The following LRRC75A variants were observed in gnomAD, a reference collection of about 807,000 sequenced individuals.
LRRC75A encodes leucine-rich repeat-containing protein 75A.
LRRC75A carries 12 observed loss-of-function variants against 26.0 expected under a neutral mutation model. That is an observed-to-expected ratio of 0.46 (90% CI 0.30 to 0.75). The LOEUF (loss-of-function observed/expected upper bound fraction) is 0.75. LRRC75A is among the 30% of genes least tolerant of loss of function. The pLI, the probability that LRRC75A is intolerant of heterozygous loss-of-function variation, is 0.08. For missense variants in LRRC75A, 410 were observed against 486.6 expected (o/e 0.84, Z 1.48); for synonymous variants, 223 against 219.3 (o/e 1.02, Z -0.15).
chr17:16,470,415 T>G (rs1028934642), intron 1 of LRRC75A: 2 of 151,572 alleles, frequency 1.3e-5, no homozygotes, highest in African/African-American at 4.8e-5. Context: ...GGGACCCGCA[T>G]GTGCAAAGCT....
intron 1 of LRRC75A, among the ~76,000 whole-genome samples, chr17:16,476,461 T>G (rs1365882567): frequency 6.6e-6 from 1 of 152,060 alleles, no homozygotes; most frequent in African/African-American, 2.4e-5. Flanking sequence ...ATCCTCCCGC[T>G]GTGGCCTCCC....
rs564255601 is a variant in LRRC75A at position 16,448,346 on chromosome 17, C to T, written c.376-386G>A. 3.8e-4 allele frequency: 94 copies of T among 244,554 alleles called. No individual in the cohort carries two copies. The South Asian group carries it at 4.0e-3, about 10-fold the overall frequency. 15.1% of individuals were successfully genotyped at this position (244,554 alleles called of 1,614,324 possible). On this transcript the variant is annotated intron_variant, in intron 2 of 3. Coordinates refer to ENST00000470794, the MANE Select transcript of LRRC75A (RefSeq NM_001113567.3). ...TCAGCAGATTTATTGAGCACTTACT[C>T]GGAGCCAGGCACTTGTTCTAGGAAG... is the stretch of plus-strand genomic sequence containing the variant.
rs1438860537 is a variant in LRRC75A at position 16,462,348 on chromosome 17, C to T, written c.285G>A (p.Leu95=). The T allele has an allele frequency of 3.7e-6, 6 of 1,614,178 alleles. No homozygotes were observed. The highest frequency in any genetic ancestry group is 1.7e-5 in the Admixed American group (1 of 60,022). Residue 95 remains leucine (L), a synonymous_variant, in exon 2 of 4, where the codon CTG becomes CTA. Coordinates refer to ENST00000470794, the MANE Select transcript of LRRC75A (RefSeq NM_001113567.3). This position sits in a 1 kb window ranked among gnomAD's most constrained non-coding sequence, Gnocchi z 4.6. ...GMESTSLDDV[L]YRYASFRNLV... ...GGTTCCGGAAGCTGGCGTAGCGATA[C>T]AGAACGTCGTCTAGCGAGGTCGACT...
At chr17:16,459,361 C>T (rs2093709843) in intron 2 of LRRC75A, among the ~76,000 whole-genome samples, 1 of 152,180 alleles carries the variant, frequency 6.6e-6, no homozygotes, top group Non-Finnish European at 1.5e-5. Flanking sequence ...GAAGGCCTCT[C>T]AGAGGCCGTA....
chr17:16,487,402 AG>A (rs1409341675), intron 1 of LRRC75A, among the ~76,000 whole-genome samples: 1 of 152,182 alleles, frequency 6.6e-6, no homozygotes, highest in Admixed American at 6.5e-5. Flanking sequence ...CCACATCTCC[AG>A]GGAGTCTCCA....
chr17:16,476,912 G>A (rs1481021755), intron 1 of LRRC75A, among the ~76,000 whole-genome samples: 2 of 151,454 alleles, frequency 1.3e-5, no homozygotes, highest in Non-Finnish European at 2.9e-5. Context: ...CTAATTTTTT[G>A]TATTTTTAGT....
chr17:16,476,090 G>A (rs902649893), intron 1 of LRRC75A, among the ~76,000 whole-genome samples: 6 of 152,224 alleles, frequency 3.9e-5, no homozygotes, highest in African/African-American at 1.4e-4. Context: ...AGCTACTTGG[G>A]AGGCTGAGGC....
chr17:16,486,500 C>T (rs1389542059), intron 1 of LRRC75A, among the ~76,000 whole-genome samples: 2 of 152,182 alleles, frequency 1.3e-5, no homozygotes, highest in African/African-American at 4.8e-5. Context: ...GGAAAAGCCT[C>T]GATCCAGCCC....
chr17:16,489,875 C>T (rs370131610), intron 1 of LRRC75A, among the ~76,000 whole-genome samples: 1 of 151,998 alleles, frequency 6.6e-6, no homozygotes, highest in African/African-American at 2.4e-5. Context: ...CCCACCCCCC[C>T]ATCAGCCCTC....
intron 1 of LRRC75A, among the ~76,000 whole-genome samples, chr17:16,485,681 T>TGTGTGTGTGTGTGTGC (rs748088509): frequency 8.9e-5 from 12 of 135,430 alleles, no homozygotes; most frequent in African/African-American, 1.5e-4. Context: ...CGTGTGTGTG[T>TGTGTGTGTGTGTGTGC]GTGTGTGTGT....
chr17:16,468,026 C>T (rs537314586), intron 1 of LRRC75A, among the ~76,000 whole-genome samples: 35 of 152,328 alleles, frequency 2.3e-4, no homozygotes, highest in Middle Eastern at 3.4e-3. Context: ...ATCCAGTTCT[C>T]AGATCCAAAA....
intron 3 of LRRC75A, among the ~76,000 whole-genome samples, chr17:16,444,927 C>T (rs984524391): frequency 6.6e-6 from 1 of 150,646 alleles, no homozygotes; most frequent in South Asian, 2.1e-4. Flanking sequence ...TGGTTCACTG[C>T]ACCCTCTGCC....
chr17:16,481,661 A>T (rs2093834295), intron 1 of LRRC75A, among the ~76,000 whole-genome samples: 1 of 151,822 alleles, frequency 6.6e-6, no homozygotes, highest in Non-Finnish European at 1.5e-5. Context: ...GTGGGTCGGC[A>T]AGATGGCCCT....
At chr17:16,467,382 CGT>C in intron 1 of LRRC75A, among the ~76,000 whole-genome samples, 1 of 152,312 alleles carries the variant, frequency 6.6e-6, no homozygotes, top group East Asian at 1.9e-4. Flanking sequence ...TTTGCATTCA[CGT>C]GTGTGCAAGG....
Position 16,462,137 on chromosome 17 carries a change from G to C in LRRC75A, c.375+121C>G. On this transcript the variant is annotated intron_variant, in intron 2 of 3. Transcript: ENST00000470794. This position sits in a 1 kb window ranked among gnomAD's most constrained non-coding sequence, Gnocchi z 4.6. ...GCACCTCAAGCTCTTGGTGCCTGGA[G>C]GACGGGCTTGTCCTCCTTGGGCCTG... 1 of 1,292,176 alleles carries C rather than the reference G, an allele frequency of 7.7e-7. No homozygotes were observed. The highest frequency in any genetic ancestry group is 2.2e-4 in the Middle Eastern group (1 of 4,550). 80.0% of individuals were successfully genotyped at this position (1,292,176 alleles called of 1,614,324 possible).
At position 16,442,889 on chromosome 17, in the gene LRRC75A, C is replaced by G. The variant is rs1179575240; in HGVS notation, c.*699G>C. 6.6e-6 allele frequency: 1 copy of G among 152,272 alleles called. No homozygotes were observed. The highest frequency in any genetic ancestry group is 1.5e-5 in the Non-Finnish European group (1 of 68,066). The allele number at this position is 152,272 out of a possible 1,614,324, so 9.4% of individuals were successfully genotyped here. A position where few individuals can be genotyped will look rare whatever the true frequency, so the allele number is the denominator to read the frequency against. On this transcript the variant is annotated 3_prime_UTR_variant, in exon 4 of 4. Coordinates refer to ENST00000470794, the MANE Select transcript of LRRC75A (RefSeq NM_001113567.3). ...GTGGATAGGGGATTTCTGAACAGGA[C>G]TTTATGCCTGTATGCATGGGCACCA...
At chr17:16,452,219 T>C (rs2093638527) in intron 2 of LRRC75A, among the ~76,000 whole-genome samples, 1 of 143,062 alleles carries the variant, frequency 7.0e-6, no homozygotes, top group Non-Finnish European at 1.5e-5. Flanking sequence ...AAGCCCATCA[T>C]GGTGGCATGT....
chr17:16,455,822 C>T (rs983819680), intron 2 of LRRC75A, among the ~76,000 whole-genome samples: 18 of 152,230 alleles, frequency 1.2e-4, no homozygotes, highest in African/African-American at 4.3e-4. Context: ...GGCTGATGCT[C>T]CTAACCGCTA....
chr17:16,483,393 A>G (rs955849188), intron 1 of LRRC75A, among the ~76,000 whole-genome samples: 28 of 152,334 alleles, frequency 1.8e-4, no homozygotes, highest in Non-Finnish European at 3.5e-4. Context: ...GGTCGGCCCC[A>G]GTACCTGGTG....
Sources: gnomAD v4.1 joint callset for allele counts (sites outside exome capture counted in the v4.1 genomes callset) on GRCh38, gnomAD v4.1.1 for gene constraint, Gnocchi (gnomAD v3.1) non-coding constraint, MANE v1.5 for transcripts, NCBI Gene and HGNC (gene_info 2026-07-23, HGNC 2026-07-21) for gene names.